Variants in TRIM66 observed in about 807,000 individuals in gnomAD.
The protein encoded by TRIM66 is tripartite motif-containing protein 66.
In TRIM66, 99 loss-of-function variants were observed where a neutral mutation model predicts 148.2. The observed-to-expected ratio is 0.67, with a 90% CI of 0.57 to 0.79. The LOEUF is 0.79. TRIM66 is among the 30% of genes least tolerant of loss of function. The pLI, the probability that TRIM66 is intolerant of heterozygous loss-of-function variation, is 0.00. For synonymous variants in TRIM66, 616 were observed against 635.9 expected (o/e 0.97, Z 0.47); for missense variants, 1,666 against 1,697.9 (o/e 0.98, Z 0.33).
intron 19 of TRIM66, 103 bp downstream of exon 19, chr11:8,621,542 A>G: frequency 7.1e-7 from 1 of 1,401,920 alleles, no homozygotes; most frequent in Non-Finnish European, 9.4e-7. Context: ...CAGCCCCATC[A>G]GAGACTCAGG....
At chr11:8,674,370 CT>C (rs1172526208) in intron 4 of TRIM66, among the ~76,000 whole-genome samples, 11 of 151,988 alleles carry the variant, frequency 7.2e-5, no homozygotes, top group Non-Finnish European at 1.5e-4. Flanking sequence ...TAACTATTTC[CT>C]TTTTTCCATT....
chr11:8,672,451 C>T, intron 4 of TRIM66, 66 bp from the exon 5 acceptor site: 1 of 1,419,794 alleles, frequency 7.0e-7, no homozygotes, highest in Non-Finnish European at 9.2e-7. Flanking sequence ...AGGCACTTTA[C>T]ATACTGTATT....
intron 3 of TRIM66, among the ~76,000 whole-genome samples, chr11:8,677,655 CT>C (rs1421820675): frequency 2.0e-5 from 3 of 152,116 alleles, no homozygotes; most frequent in Non-Finnish European, 2.9e-5. Context: ...ATGAACCCAA[CT>C]TTCTGTGTTC....
In TRIM66 at chr11:8,613,928, C is replaced by A. The variant is rs906430759; in HGVS notation, c.*4016G>T. ...CAAGTTAAAGAATTTCCAGTCAACA[C>A]TGAGAGCTCAACTGAGGCTGCCAAC... On this transcript the variant is annotated 3_prime_UTR_variant, in exon 25 of 25. Coordinates refer to ENST00000646038, the MANE Select transcript of TRIM66 (RefSeq NM_001388022.1). The A allele has an allele frequency of 6.6e-6, 1 of 152,214 alleles. No individual in the cohort carries two copies. The highest frequency in any genetic ancestry group is 2.4e-5 in the African/African-American group (1 of 41,430). The allele number at this position is 152,214 out of a possible 1,614,324, so 9.4% of individuals were successfully genotyped here. A position where few individuals can be genotyped will look rare whatever the true frequency, so the allele number is the denominator to read the frequency against.
At chr11:8,682,884 C>T (rs368361903), upstream of TRIM66, 180 of 1,542,540 alleles carry the variant, frequency 1.2e-4, no homozygotes, top group Non-Finnish European at 1.5e-4. Flanking sequence ...TCCCATTGCC[C>T]CTAGTCATCC....
At chr11:8,644,162 T>C (rs78339306) in intron 12 of TRIM66, among the ~76,000 whole-genome samples, 1 of 152,162 alleles carries the variant, frequency 6.6e-6, no homozygotes, top group African/African-American at 2.4e-5. Flanking sequence ...TCCACAGGAC[T>C]TCCCAGCTTC....
upstream of TRIM66, chr11:8,682,772 G>C (rs377648041): frequency 2.5e-6 from 4 of 1,613,464 alleles, no homozygotes; most frequent in African/African-American, 2.7e-5. Context: ...GATACCTCGC[G>C]AGACTTGGCG....
chr11:8,622,380 A>ATATATATC (rs1565477382), intron 18 of TRIM66, among the ~76,000 whole-genome samples: 4 of 128,488 alleles, frequency 3.1e-5, no homozygotes, highest in Non-Finnish European at 6.8e-5. Context: ...ATATATATAT[A>ATATATATC]TATCTCCTAC....
chr11:8,637,603 G>A (rs1331610832), intron 15 of TRIM66, among the ~76,000 whole-genome samples: 1 of 152,180 alleles, frequency 6.6e-6, no homozygotes, highest in African/African-American at 2.4e-5. Context: ...GAGACTGACT[G>A]TTCTAAGACA....
intron 18 of TRIM66, 43 bp downstream of exon 18, chr11:8,622,773 G>A (rs969560691): frequency 7.9e-6 from 12 of 1,523,596 alleles, no homozygotes; most frequent in East Asian, 2.5e-5. Flanking sequence ...ATCTCAGGAC[G>A]TGAAGTCATG....
chr11:8,670,771 G>A (rs964149375), intron 6 of TRIM66, among the ~76,000 whole-genome samples: 2 of 152,106 alleles, frequency 1.3e-5, no homozygotes, highest in African/African-American at 2.4e-5. Context: ...ATATATTAAT[G>A]TAAAAAAATC....
chr11:8,617,811 AAAG>A lies in TRIM66; in HGVS notation c.*130_*132del. ...AATAAATGCTGTAGATGCAAATGGCAAAGAAGAGCACTACACAGTTCAACAAGA... is the reference window on the plus strand; with the variant it reads ...AATAAATGCTGTAGATGCAAATGGCAAAGAGCACTACACAGTTCAACAAGA... On this transcript the variant is annotated 3_prime_UTR_variant, in exon 25 of 25. Transcript: ENST00000646038. 1.2e-6 allele frequency: 1 copy of A among 819,286 alleles called. No homozygotes were observed. Among genetic ancestry groups the A allele is most frequent in the Non-Finnish European group, 2.0e-6 (1 of 507,330 alleles). 50.8% of individuals were successfully genotyped at this position (819,286 alleles called of 1,614,324 possible).
In TRIM66 at chr11:8,614,294, A is replaced by T. The variant is rs2033584945; in HGVS notation, c.*3650T>A. 1 of 152,210 alleles carries T rather than the reference A, an allele frequency of 6.6e-6. No homozygotes were observed. Among genetic ancestry groups the T allele is most frequent in the Non-Finnish European group, 1.5e-5 (1 of 68,072 alleles). The allele number at this position is 152,210 out of a possible 1,614,324, so 9.4% of individuals were successfully genotyped here. A position where few individuals can be genotyped will look rare whatever the true frequency, so the allele number is the denominator to read the frequency against. ...GCAGAGGTTGCAATGAGCCGACATC[A>T]TACCACTGCACTCCAGCCTGCATGA... On this transcript the variant is annotated 3_prime_UTR_variant, in exon 25 of 25. Coordinates refer to ENST00000646038, the MANE Select transcript of TRIM66 (RefSeq NM_001388022.1).
intron 9 of TRIM66, 138 bp from the exon 10 acceptor site, chr11:8,648,224 A>G (rs2037041524): frequency 6.9e-6 from 8 of 1,156,328 alleles, no homozygotes; most frequent in Non-Finnish European, 9.8e-6. Flanking sequence ...AGTCTAAGGC[A>G]CCACAGGCTC....
intron 6 of TRIM66, among the ~76,000 whole-genome samples, chr11:8,654,979 G>A (rs1207026983): frequency 6.6e-6 from 1 of 152,136 alleles, no homozygotes; most frequent in East Asian, 1.9e-4. Flanking sequence ...TCCCGCCTCA[G>A]CCTCCTGAGT....
intron 7 of TRIM66, among the ~76,000 whole-genome samples, chr11:8,651,178 T>C (rs1241379179): frequency 6.6e-6 from 1 of 152,170 alleles, no homozygotes; most frequent in Non-Finnish European, 1.5e-5. Flanking sequence ...GTAGAGTATA[T>C]GGGTCGATCT....
At chr11:8,655,188 G>A (rs547444455) in intron 6 of TRIM66, among the ~76,000 whole-genome samples, 1 of 152,138 alleles carries the variant, frequency 6.6e-6, no homozygotes, top group Non-Finnish European at 1.5e-5. Context: ...GAGTTTGTGT[G>A]TTCCATGTGT....
At position 8,646,407 on chromosome 11, in the gene TRIM66, T is replaced by C. The variant is rs757863393; in HGVS notation, c.957+40A>G. On this transcript the variant is annotated intron_variant, in intron 11 of 24. Coordinates refer to ENST00000646038, the MANE Select transcript of TRIM66 (RefSeq NM_001388022.1). Reference sequence around the variant, plus strand: ...TGGGACTAGCTTGATATATGGATGGTTTCTGAACCCAACCATCTGATCCAT... The same window carrying C: ...TGGGACTAGCTTGATATATGGATGGCTTCTGAACCCAACCATCTGATCCAT... The C allele has an allele frequency of 2.2e-5, 33 of 1,524,172 alleles. 1 individual carries two copies. The highest frequency in any genetic ancestry group is 1.7e-4 in the Middle Eastern group (1 of 5,970). 94.4% of individuals were successfully genotyped at this position (1,524,172 alleles called of 1,614,324 possible). A position where few individuals can be genotyped will look rare whatever the true frequency, so the allele number is the denominator to read the frequency against.
chr11:8,666,341 G>GAAAAAAAA (rs558326812), intron 6 of TRIM66, among the ~76,000 whole-genome samples: 35 of 23,526 alleles, frequency 1.5e-3, no homozygotes, highest in Non-Finnish European at 2.9e-3. Flanking sequence ...CTCCGCCTCA[G>GAAAAAAAA]AAAAAAAAAA....
Sources: allele counts gnomAD v4.1 joint callset (sites outside exome capture counted in the v4.1 genomes callset), GRCh38; gene constraint gnomAD v4.1.1; transcripts MANE v1.5; gene names NCBI Gene and HGNC (gene_info 2026-07-23, HGNC 2026-07-21).